Variants in SMC2 observed in about 807,000 individuals in gnomAD.
SMC2 encodes the protein structural maintenance of chromosomes protein 2.
In SMC2, 41 loss-of-function variants were observed where a neutral mutation model predicts 142.6. The observed-to-expected ratio is 0.29, with a 90% CI of 0.22 to 0.37. The LOEUF (loss-of-function observed/expected upper bound fraction) is 0.37, where lower values mean the gene tolerates loss of function less well. Ranked by LOEUF, SMC2 falls within the 10% of genes least tolerant of loss-of-function variation. SMC2 has a pLI of 1.00. For synonymous variants in SMC2, 463 were observed against 457.5 expected, an observed-to-expected ratio of 1.01 and a Z score of -0.15; for missense variants, 1,265 against 1,373.7, an observed-to-expected ratio of 0.92 and a Z score of 1.25.
chr9:104,091,953 C>T (rs1306253884), upstream of SMC2: 1 of 152,166 alleles, frequency 6.6e-6, no homozygotes, highest in Admixed American at 6.5e-5. Context: ...AGCTTTCAAA[C>T]GATTTTAATC....
chr9:104,128,745 A>T (rs1834591150), intron 20 of SMC2, among the ~76,000 whole-genome samples: 1 of 152,232 alleles, frequency 6.6e-6, no homozygotes, highest in South Asian at 2.1e-4. Context: ...AGGCACTATA[A>T]TTTGAACTGT....
intron 14 of SMC2, among the ~76,000 whole-genome samples, chr9:104,117,102 T>A (rs1424338984): frequency 6.6e-6 from 1 of 152,222 alleles, no homozygotes; most frequent in Non-Finnish European, 1.5e-5. Context: ...TGTGTTGATA[T>A]GTATACTATC....
At position 104,122,863 on chromosome 9, in the gene SMC2, A is replaced by G. The variant is rs532985193; in HGVS notation, c.2133-245A>G. Among the ~76,000 whole-genome samples, 134 of 152,184 alleles carry G rather than the reference A, an allele frequency of 8.8e-4. 1 individual carries two copies. Among genetic ancestry groups the G allele is most frequent in the African/African-American group, 3.1e-3 (128 of 41,524 alleles). Reference sequence around the variant, plus strand: ...GGAAACCTAGCTGTTAAATATTTCTAATGTAAATAGTTGTTACAGATTTTA... The same window carrying G: ...GGAAACCTAGCTGTTAAATATTTCTGATGTAAATAGTTGTTACAGATTTTA... On this transcript the variant is annotated intron_variant, in intron 16 of 24. Coordinates refer to ENST00000374793, the MANE Select transcript of SMC2 (RefSeq NM_006444.3).
At chr9:104,114,563 A>G in intron 12 of SMC2, 128 bp from the exon 13 acceptor site, 1 of 861,734 alleles carries the variant, frequency 1.2e-6, no homozygotes, top group East Asian at 2.7e-5. Flanking sequence ...TTGGTTTGTT[A>G]AAACCATTTT....
intron 6 of SMC2, 74 bp from the exon 7 acceptor site, chr9:104,100,315 C>A (rs1326234587): frequency 1.4e-6 from 2 of 1,407,324 alleles, no homozygotes; most frequent in Non-Finnish European, 2.0e-6. Context: ...CATAGTCATC[C>A]CTGCTACTTC....
At chr9:104,115,743 T>C (rs896380090) in intron 13 of SMC2, among the ~76,000 whole-genome samples, 1 of 150,282 alleles carries the variant, frequency 6.7e-6, no homozygotes, top group African/African-American at 2.5e-5. Context: ...AAATTTTCAG[T>C]ATATAGTATT....
In SMC2 at chr9:104,120,095, A is replaced by G; in HGVS notation, c.2065A>G (p.Arg689Gly). The G allele has an allele frequency of 6.2e-7, 1 of 1,613,996 alleles. No homozygotes were observed. Among genetic ancestry groups the G allele is most frequent in the East Asian group, 2.2e-5 (1 of 44,868 alleles). The change falls in exon 16 of 25, where the codon AGA becomes GGA. Residue 689 changes from arginine (R) to glycine (G), a missense_variant. Around this residue, in one of 4 missense-constraint regions of SMC2, gnomAD observed 898 missense variants for 904.2 expected, o/e 0.99. Coordinates refer to ENST00000374793, the MANE Select transcript of SMC2 (RefSeq NM_006444.3). The stretch of plus-strand genomic sequence containing the variant: ...ACTCAAAGATGTTCAGGATGAACTG[A>G]GAATCAAAGAGAATGAGCTGCGGGC... ...QELKDVQDEL[R>G]IKENELRALE...
At chr9:104,110,787 G>A (rs1024745765) in intron 9 of SMC2, among the ~76,000 whole-genome samples, 3 of 152,144 alleles carry the variant, frequency 2.0e-5, no homozygotes, top group African/African-American at 2.4e-5. Context: ...ACTTCATCCA[G>A]TCTTCTGTTC....
intron 9 of SMC2, among the ~76,000 whole-genome samples, chr9:104,104,663 G>C (rs1044541969): frequency 1.3e-5 from 2 of 152,186 alleles, no homozygotes; most frequent in Admixed American, 1.3e-4. Context: ...AACTGGCTTA[G>C]TCTAATGCCA....
chr9:104,119,366 A>G (rs1278970724), intron 15 of SMC2, among the ~76,000 whole-genome samples: 1 of 152,196 alleles, frequency 6.6e-6, no homozygotes, highest in Non-Finnish European at 1.5e-5. Context: ...TGACCTTAGC[A>G]TTCTTCCATC....
At chr9:104,100,536 TCC>T in intron 7 of SMC2, 103 bp downstream of exon 7, 21 of 748,834 alleles carry the variant, frequency 2.8e-5, no homozygotes, top group South Asian at 7.1e-5. Context: ...GGGGTTTTTT[TCC>T]TGCGATGAGA....
Position 104,126,851 on chromosome 9 carries a change from A to ATGTT in SMC2, c.2595+70_2595+73dup, listed in dbSNP as rs200179223. On this transcript the variant is annotated intron_variant, in intron 19 of 24. Transcript: ENST00000374793. ...TCTTTTTATGAAACATTAGCTTAAG[A>ATGTT]TGTTTGACTTTAGTGTTCTCAGTCT... 2.3e-3 allele frequency: 3,260 copies of ATGTT among 1,433,282 alleles called. 69 individuals are homozygous for ATGTT. The African/African-American group carries it at 0.041, about 18-fold the overall frequency. The allele number at this position is 1,433,282 out of a possible 1,614,324, so 88.8% of individuals were successfully genotyped here. A position where few individuals can be genotyped will look rare whatever the true frequency, so the allele number is the denominator to read the frequency against.
intron 17 of SMC2, 59 bp downstream of exon 17, chr9:104,123,291 T>G (rs1833928269): frequency 1.3e-6 from 2 of 1,541,818 alleles, no homozygotes; most frequent in African/African-American, 2.8e-5. Flanking sequence ...TTACCTTACT[T>G]TAGGTATCTT....
intron 2 of SMC2, among the ~76,000 whole-genome samples, chr9:104,095,793 C>G (rs1400851173): frequency 1.3e-5 from 2 of 152,130 alleles, no homozygotes; most frequent in Non-Finnish European, 2.9e-5. Context: ...CAGTCTCATT[C>G]CAGAGTATTT....
At chr9:104,088,976 C>T in the SMC2 span, among the ~76,000 whole-genome samples, 3 of 109,534 alleles carry the variant, frequency 2.7e-5, no homozygotes, top group Admixed American at 2.8e-4. Context: ...AAGTTCACAA[C>T]AGTTAAAAAA....
At chr9:104,114,895 AGAATTAAATACTTT>A (rs1832910168) in intron 13 of SMC2, 66 bp downstream of exon 13, 1 of 1,326,776 alleles carries the variant, frequency 7.5e-7, no homozygotes, top group Admixed American at 2.2e-5. Flanking sequence ...TGCTGCTAAA[AGAATTAAATACTTT>A]GATGTTTTAA....
At chr9:104,122,615 A>C (rs1431955724) in intron 16 of SMC2, among the ~76,000 whole-genome samples, 2 of 152,100 alleles carry the variant, frequency 1.3e-5, no homozygotes, top group Admixed American at 6.6e-5. Context: ...TAGAATTACA[A>C]AGTTTTCAAG....
intron 17 of SMC2, among the ~76,000 whole-genome samples, chr9:104,124,231 C>T (rs1304386690): frequency 2.0e-5 from 3 of 152,062 alleles, no homozygotes; most frequent in Admixed American, 6.6e-5. Context: ...GGACTACAGG[C>T]GTGCATCACC....
At chr9:104,097,063 A>G (rs999930754) in intron 3 of SMC2, among the ~76,000 whole-genome samples, 3 of 148,144 alleles carry the variant, frequency 2.0e-5, no homozygotes, top group Admixed American at 6.7e-5. Flanking sequence ...GAAACCACTC[A>G]ATTTTTTTTT....
Sources: allele counts gnomAD v4.1 joint callset (sites outside exome capture counted in the v4.1 genomes callset), GRCh38; gene constraint gnomAD v4.1.1; regional missense constraint gnomAD v4.1.1; transcripts MANE v1.5; gene names NCBI Gene and HGNC (gene_info 2026-07-23, HGNC 2026-07-21).